GPC5: variants seen among roughly 807,000 people sequenced by gnomAD.
The protein encoded by GPC5 is glypican-5.
Under a neutral mutation model 53.9 loss-of-function variants are expected in GPC5, and 47 were observed. The observed-to-expected ratio is 0.87, with a 90% CI of 0.69 to 1.11. GPC5 has a LOEUF of 1.11. Among genes scored for constraint, GPC5 ranks in the 50% most tolerant of loss-of-function variants. The pLI is 0.00. For synonymous variants in GPC5, 286 were observed against 263.3 expected, an observed-to-expected ratio of 1.09 and a Z score of -0.84; for missense variants, 748 against 713.1, an observed-to-expected ratio of 1.05 and a Z score of -0.56.
At chr13:92,302,688 T>A (rs2043083702) in intron 7 of GPC5, among the ~76,000 whole-genome samples, 1 of 152,222 alleles carries the variant, frequency 6.6e-6, no homozygotes, top group African/African-American at 2.4e-5. Context: ...TTTATGATAA[T>A]AAGTTTGGGC....
At chr13:91,409,995 G>T (rs1421368198) in intron 1 of GPC5, among the ~76,000 whole-genome samples, 1 of 152,166 alleles carries the variant, frequency 6.6e-6, no homozygotes, top group Admixed American at 6.5e-5. Context: ...ATTTGCTTAG[G>T]ATAATGGCCT....
intron 7 of GPC5, among the ~76,000 whole-genome samples, chr13:92,721,136 G>A (rs1888497734): frequency 6.6e-6 from 1 of 151,994 alleles, no homozygotes; most frequent in Non-Finnish European, 1.5e-5. Flanking sequence ...ACAGGGAACT[G>A]AATGAAATGT....
intron 6 of GPC5, among the ~76,000 whole-genome samples, chr13:91,999,868 A>G (rs2040539008): frequency 1.3e-5 from 2 of 152,238 alleles, no homozygotes; most frequent in Non-Finnish European, 2.9e-5. Context: ...CACTTTCTGC[A>G]TCTGCAGATA....
At chr13:91,772,990 T>C (rs1160671091) in intron 5 of GPC5, among the ~76,000 whole-genome samples, 1 of 152,206 alleles carries the variant, frequency 6.6e-6, no homozygotes, top group Non-Finnish European at 1.5e-5. Context: ...CAAGGAAGTT[T>C]GGATTTCATG....
chr13:92,109,804 T>G (rs758840322), intron 6 of GPC5, among the ~76,000 whole-genome samples: 5 of 152,194 alleles, frequency 3.3e-5, no homozygotes, highest in Non-Finnish European at 7.4e-5. Context: ...CTAGATATCT[T>G]CTATGGTACT....
Position 92,428,227 on chromosome 13 carries a change from G to A in GPC5, c.1561+283238G>A, listed in dbSNP as rs1043212694. On this transcript the variant is annotated intron_variant, in intron 7 of 7. Coordinates refer to ENST00000377067, the MANE Select transcript of GPC5 (RefSeq NM_004466.6). ...TGGATGTGGCTCTGCTGATGTCATCGTAAGACTCTCCTGTCTTGGATGATA... is the reference window on the plus strand; with the variant it reads ...TGGATGTGGCTCTGCTGATGTCATCATAAGACTCTCCTGTCTTGGATGATA... 3.9e-5 allele frequency among the ~76,000 whole-genome samples: 6 copies of A among 152,070 alleles called. No homozygotes were observed. The South Asian group carries it at 6.2e-4, about 16-fold the overall frequency.
chr13:92,270,469 G>A (rs994193259), intron 7 of GPC5, among the ~76,000 whole-genome samples: 13 of 152,246 alleles, frequency 8.5e-5, no homozygotes, highest in South Asian at 2.1e-4. Flanking sequence ...ACTTTCTGCC[G>A]TGATTGTAAG....
chr13:91,790,170 C>T (rs970703059), intron 5 of GPC5, among the ~76,000 whole-genome samples: 1 of 152,102 alleles, frequency 6.6e-6, no homozygotes, highest in African/African-American at 2.4e-5. Flanking sequence ...TTTATAGCAG[C>T]CATTATAACA....
intron 7 of GPC5, among the ~76,000 whole-genome samples, chr13:92,494,076 G>GT (rs761767021): frequency 0.059 from 8,212 of 140,188 alleles, 402 homozygotes; most frequent in African/African-American, 0.14. Context: ...TTGTTTGTTT[G>GT]TTTGTTTTGT....
intron 7 of GPC5, among the ~76,000 whole-genome samples, chr13:92,171,693 G>C (rs993868545): frequency 6.6e-6 from 1 of 152,072 alleles, no homozygotes; most frequent in East Asian, 1.9e-4. Flanking sequence ...AATCCTATTA[G>C]GTCCTTTCAC....
intron 6 of GPC5, among the ~76,000 whole-genome samples, chr13:91,998,183 G>A (rs1371100004): frequency 1.3e-5 from 2 of 152,112 alleles, no homozygotes; most frequent in African/African-American, 2.4e-5. Flanking sequence ...TGCCCGTGTA[G>A]GGCTGAATTT....
chr13:92,468,563 G>T (rs1177044962), intron 7 of GPC5, among the ~76,000 whole-genome samples: 1 of 152,162 alleles, frequency 6.6e-6, no homozygotes, highest in Non-Finnish European at 1.5e-5. Context: ...TGTTGCACAT[G>T]ATTATTTGGA....
intron 2 of GPC5, among the ~76,000 whole-genome samples, chr13:91,603,173 G>A (rs1304151011): frequency 6.6e-6 from 1 of 152,174 alleles, no homozygotes; most frequent in African/African-American, 2.4e-5. Flanking sequence ...TCTAGTTCAG[G>A]GCAGAGTAAG....
chr13:91,753,585 A>G (rs2037225602), intron 4 of GPC5, among the ~76,000 whole-genome samples: 1 of 152,188 alleles, frequency 6.6e-6, no homozygotes, highest in South Asian at 2.1e-4. Context: ...CATGATGATG[A>G]TAACACCTGC....
intron 2 of GPC5, among the ~76,000 whole-genome samples, chr13:91,607,976 G>A (rs951927454): frequency 3.3e-5 from 5 of 152,244 alleles, no homozygotes; most frequent in Admixed American, 3.3e-4. Flanking sequence ...GCTGCTTTTA[G>A]TTCAACAAGC....
Position 92,708,857 on chromosome 13 carries a change from C to CTTTTTTTTTTT in GPC5, c.1562-157392_1562-157382dup, listed in dbSNP as rs752130758. On this transcript the variant is annotated intron_variant, in intron 7 of 7. Coordinates refer to ENST00000377067, the MANE Select transcript of GPC5 (RefSeq NM_004466.6). Reference sequence around the variant, plus strand: ...CTAGCAGCATCTAGCTGGAAACCGCCTTTTTTTTTTTTTTTTTTTTTTTTT... The same window carrying CTTTTTTTTTTT: ...CTAGCAGCATCTAGCTGGAAACCGCCTTTTTTTTTTTTTTTTTTTTTTTTTTTTTTTTTTTT... Among the ~76,000 whole-genome samples the CTTTTTTTTTTT allele has an allele frequency of 2.9e-3, 138 of 48,184 alleles. 48 individuals are homozygous for CTTTTTTTTTTT. The highest frequency in any genetic ancestry group is 5.1e-3 in the Non-Finnish European group (123 of 24,284). 31.6% of individuals were successfully genotyped at this position (48,184 alleles called of 152,430 possible). A position where few individuals can be genotyped will look rare whatever the true frequency, so the allele number is the denominator to read the frequency against.
intron 6 of GPC5, among the ~76,000 whole-genome samples, chr13:92,071,978 A>G (rs1478935152): frequency 2.2e-4 from 32 of 146,186 alleles, no homozygotes; most frequent in Admixed American, 1.4e-3. Context: ...ATATACATAA[A>G]TATGTATATA....
intron 7 of GPC5, among the ~76,000 whole-genome samples, chr13:92,396,133 T>A (rs1295418370): frequency 6.6e-6 from 1 of 152,148 alleles, no homozygotes; most frequent in Non-Finnish European, 1.5e-5. Context: ...GATATTCTGT[T>A]CTTCTTTTGG....
intron 6 of GPC5, among the ~76,000 whole-genome samples, chr13:92,071,826 A>C (rs1192408335): frequency 6.8e-6 from 1 of 147,918 alleles, no homozygotes; most frequent in East Asian, 1.9e-4. Flanking sequence ...CGGAAATAAT[A>C]TATTTTATTC....
Sources: allele counts gnomAD v4.1 joint callset (sites outside exome capture counted in the v4.1 genomes callset), GRCh38; gene constraint gnomAD v4.1.1; transcripts MANE v1.5; gene names NCBI Gene and HGNC (gene_info 2026-07-23, HGNC 2026-07-21).